CROCC: variants seen among roughly 807,000 people sequenced by gnomAD.
CROCC encodes the protein rootletin.
A neutral mutation model predicts 245.2 loss-of-function variants in CROCC; 180 were observed. The observed-to-expected ratio is 0.73, with a 90% CI of 0.65 to 0.83. The LOEUF is 0.83. CROCC is among the 40% of genes least tolerant of loss of function. The pLI is 0.00. For missense variants in CROCC, 2,688 were observed against 2,779.4 expected (o/e 0.97, Z 0.74); for synonymous variants, 1,205 against 1,241.6 (o/e 0.97, Z 0.62).
rs565501241 is a variant in CROCC at position 16,970,418 on chromosome 1, A to C, written c.5617A>C (p.Lys1873Gln). The change falls in exon 34 of 37, where the codon AAG becomes CAG. Residue 1873 changes from lysine to glutamine, a missense_variant. By Grantham distance (53) the Lys-to-Gln change is moderately conservative (BLOSUM62 1). This residue lies in a region of CROCC where 1,218 missense variants were observed against 1,286.3 expected (regional missense o/e 0.95). Transcript: ENST00000375541. ...GGAGCGCTCAGCCCTGCGGCTGGAG[A>C]AGGACCGTGTAGCCCTCAGGAGGAC... is the stretch of plus-strand genomic sequence containing the variant. ...EVERSALRLEKDRVALRRTLD... is the reference protein window; with the variant it reads ...EVERSALRLEQDRVALRRTLD... 6.2e-7 allele frequency: 1 copy of C among 1,603,814 alleles called. No homozygotes were observed. The highest frequency in any genetic ancestry group is 1.1e-5 in the South Asian group (1 of 89,618).
At chr1:16,949,569 G>A (rs2076123672) in intron 19 of CROCC, among the ~76,000 whole-genome samples, 1 of 152,182 alleles carries the variant, frequency 6.6e-6, no homozygotes, top group African/African-American at 2.4e-5. Context: ...GTTCATGTCA[G>A]TCATTAAAGG....
chr1:16,944,346 C>G, intron 14 of CROCC, 64 bp downstream of exon 14: 1 of 1,449,402 alleles, frequency 6.9e-7, no homozygotes. Flanking sequence ...CTGACAGTGC[C>G]CCCCTGGGGT....
At chr1:16,965,034 T>A (rs913166500) in intron 27 of CROCC, among the ~76,000 whole-genome samples, 1 of 151,682 alleles carries the variant, frequency 6.6e-6, no homozygotes, top group African/African-American at 2.4e-5. Context: ...CAGGCTTGCC[T>A]TGAACTCCTG....
rs759905143 is a variant in CROCC, at chr1:16,944,278, C to T, written c.1987C>T (p.Arg663Cys). 2.7e-5 allele frequency: 41 copies of T among 1,534,964 alleles called. No individual in the cohort carries two copies. The highest frequency in any genetic ancestry group is 2.1e-4 in the African/African-American group (15 of 73,056). The change falls in exon 14 of 37, where the codon CGC (arginine) becomes TGC (cysteine). Residue 663 changes from arginine (R) to cysteine (C), a missense_variant. Arg to Cys is a radical substitution (Grantham distance 180). Transcript: ENST00000375541. ...DGARVRRELE[R>C]SHRQLEQLEG... Reference sequence around the variant, plus strand: ...CGCGCGGGTGCGCCGGGAGCTTGAGCGCAGGTGAGCAGCATCTCGCCACCC... The same window carrying T: ...CGCGCGGGTGCGCCGGGAGCTTGAGTGCAGGTGAGCAGCATCTCGCCACCC...
At chr1:16,934,387 C>T (rs1478936508) in intron 8 of CROCC, among the ~76,000 whole-genome samples, 2 of 152,198 alleles carry the variant, frequency 1.3e-5, no homozygotes, top group African/African-American at 2.4e-5. Flanking sequence ...TTAGGCTTGA[C>T]CTCCCAGGCT....
chr1:16,939,733 A>G (rs1285624814), intron 12 of CROCC, among the ~76,000 whole-genome samples, 161 bp from the exon 13 acceptor site: 5 of 152,302 alleles, frequency 3.3e-5, no homozygotes, highest in African/African-American at 1.2e-4. Context: ...GGGGAGCGGA[A>G]GCCTGGCTCT....
chr1:16,920,581 A>C (rs2075382994), upstream of CROCC, among the ~76,000 whole-genome samples: 1 of 152,260 alleles, frequency 6.6e-6, no homozygotes, highest in Non-Finnish European at 1.5e-5. Flanking sequence ...CATAGTTGCA[A>C]GTGACAGAGC....
Position 16,938,445 on chromosome 1 carries a change from G to T in CROCC, c.1336G>T (p.Gly446Ter), listed in dbSNP as rs1321152383. The change falls in exon 11 of 37, where the codon GGA becomes TGA. Residue 446 changes from glycine (G) to a stop codon, truncating the protein, a stop_gained. Transcript: ENST00000375541. LOFTEE classifies it high-confidence loss of function. ...QEQAALETED[G>*]EGLQQTLRDL... ...GCAGGCGGCCCTGGAGACAGAGGAT[G>T]GAGAGGGGCTACAGCAGACCCTAAG... 6.3e-7 allele frequency: 1 copy of T among 1,580,898 alleles called. No individual in the cohort carries two copies. Among genetic ancestry groups the T allele is most frequent in the East Asian group, 2.3e-5 (1 of 43,650 alleles).
At chr1:16,968,524 A>G (rs1321280582) in intron 31 of CROCC, 106 bp downstream of exon 31, 1 of 1,131,904 alleles carries the variant, frequency 8.8e-7, no homozygotes, top group Non-Finnish European at 1.2e-6. Context: ...AGTATTACCC[A>G]CATCCCCATT....
chr1:16,944,290 G>A lies in CROCC; in HGVS notation c.1991+8G>A. 1 of 1,527,396 alleles carries A rather than the reference G, an allele frequency of 6.5e-7. No homozygotes were observed. The highest frequency in any genetic ancestry group is 8.8e-7 in the Non-Finnish European group (1 of 1,135,410). 94.6% of individuals were successfully genotyped at this position (1,527,396 alleles called of 1,614,324 possible). A position where few individuals can be genotyped will look rare whatever the true frequency, so the allele number is the denominator to read the frequency against. On this transcript the variant is annotated splice_region_variant and intron_variant, in intron 14 of 36. Transcript: ENST00000375541. ...CCGGGAGCTTGAGCGCAGGTGAGCA[G>A]CATCTCGCCACCCTGCCAGGACCCT...
In CROCC at chr1:16,936,706, G is replaced by C. The variant is rs1171320652; in HGVS notation, c.1026G>C (p.Leu342=). The C allele has an allele frequency of 6.2e-6, 10 of 1,605,886 alleles. No homozygotes were observed. The highest frequency in any genetic ancestry group is 1.7e-4 in the Middle Eastern group (1 of 5,780). The change falls in exon 9 of 37, where the codon CTG becomes CTC. Residue 342 remains leucine, a synonymous_variant. Coordinates refer to ENST00000375541, the MANE Select transcript of CROCC (RefSeq NM_014675.5). ...SRAVQEAGLG[L]STGLRLAESR... is the part of the protein sequence containing the mutation. ...CTGTCCAGGAGGCGGGCCTGGGACT[G>C]AGCACGGGCCTACGGCTGGCAGAGA...
In CROCC at chr1:16,946,951, T is replaced by G; in HGVS notation, c.2474T>G (p.Leu825Arg). Reference protein sequence around the residue: ...QEALEQQLPTLRHERSQLQEQ... With the variant: ...QEALEQQLPTRRHERSQLQEQ... ...GCATTGGAGCAGCAGCTCCCCACGCTGCGCCATGAGCGCAGCCAGCTGCAG... is the reference window on the plus strand; with the variant it reads ...GCATTGGAGCAGCAGCTCCCCACGCGGCGCCATGAGCGCAGCCAGCTGCAG... The change falls in exon 17 of 37, where the codon CTG becomes CGG. Residue 825 changes from leucine (L) to arginine (R), a missense_variant. Leu to Arg is a moderately radical substitution (Grantham distance 102, BLOSUM62 -2). Coordinates refer to ENST00000375541, the MANE Select transcript of CROCC (RefSeq NM_014675.5). The G allele has an allele frequency of 6.4e-7, 1 of 1,557,734 alleles. No homozygotes were observed. Among genetic ancestry groups the G allele is most frequent in the Non-Finnish European group, 8.7e-7 (1 of 1,151,406 alleles).
intron 17 of CROCC, among the ~76,000 whole-genome samples, chr1:16,947,468 CAAT>C (rs71006403): frequency 0.057 from 8,295 of 146,458 alleles, 24 homozygotes; most frequent in African/African-American, 0.067. Context: ...GACTCCGTCT[CAAT>C]AATAATAATA....
chr1:16,968,543 G>A, intron 31 of CROCC, 125 bp downstream of exon 31: 1 of 1,007,782 alleles, frequency 9.9e-7, no homozygotes, highest in Non-Finnish European at 1.4e-6. Context: ...TTTCACAGAT[G>A]GACAAATGGA....
Position 16,970,695 on chromosome 1 carries a change from C to T in CROCC, c.5712C>T (p.Gly1904=), listed in dbSNP as rs767784082. 6.2e-7 allele frequency: 1 copy of T among 1,603,154 alleles called. No homozygotes were observed. Among genetic ancestry groups the T allele is most frequent in the Admixed American group, 1.7e-5 (1 of 57,800 alleles). The change falls in exon 35 of 37, where the codon GGC becomes GGT. Residue 1904 remains glycine (G), a synonymous_variant. Transcript: ENST00000375541. The stretch of plus-strand genomic sequence containing the variant: ...CAGTGCGGCTGAGCGCAGAGAAGGG[C>T]CGCCTGGACCGCACCCTCACGGGGG... ...EDTVRLSAEK[G]RLDRTLTGAE...
In CROCC at chr1:16,955,445, A is replaced by G; in HGVS notation, c.3599A>G (p.Glu1200Gly). 6.3e-7 allele frequency: 1 copy of G among 1,596,134 alleles called. No individual in the cohort carries two copies. ...GREVQRQEAG[E>G]LRRSLGEGAK... The stretch of plus-strand genomic sequence containing the variant: ...GAGGTGCAGCGCCAGGAGGCAGGCG[A>G]GCTGCGACGCAGCCTGGGCGAGGGT... Residue 1200 changes from glutamate to glycine, a missense_variant, in exon 24 of 37, where the codon GAG (glutamate) becomes GGG (glycine). Around this residue, in one of 9 missense-constraint regions of CROCC, gnomAD observed 1,218 missense variants for 1,286.3 expected, o/e 0.95. Transcript: ENST00000375541.
At position 16,938,933 on chromosome 1, in the gene CROCC, G is replaced by C. The variant is rs776311799; in HGVS notation, c.1399G>C (p.Gly467Arg). 8.7e-6 allele frequency: 14 copies of C among 1,601,620 alleles called. No homozygotes were observed. Among genetic ancestry groups the C allele is most frequent in the Non-Finnish European group, 1.2e-5 (14 of 1,176,736 alleles). Reference sequence around the variant, plus strand: ...GGCCGTCTTGTCAGACTCTGAGAGCGGCGTCCAGCTGAGCGGCTCTGAGCG... The same window carrying C: ...GGCCGTCTTGTCAGACTCTGAGAGCCGCGTCCAGCTGAGCGGCTCTGAGCG... ...AQAVLSDSES[G>R]VQLSGSERTA... is the part of the protein sequence containing the mutation. The change falls in exon 12 of 37, where the codon GGC becomes CGC. Residue 467 changes from glycine (G) to arginine (R), a missense_variant. By Grantham distance (125) the Gly-to-Arg change is moderately radical. This residue lies in a region of CROCC where 972 missense variants were observed against 895.3 expected (regional missense o/e 1.09). Coordinates refer to ENST00000375541, the MANE Select transcript of CROCC (RefSeq NM_014675.5).
chr1:16,961,223 TTG>T, intron 27 of CROCC, 93 bp downstream of exon 27: 1 of 1,207,260 alleles, frequency 8.3e-7, no homozygotes, highest in Non-Finnish European at 1.0e-6. Context: ...GTTTTTGTTT[TTG>T]TTTTTTTTCA....
chr1:16,941,891 G>A (rs1267385434), intron 13 of CROCC, among the ~76,000 whole-genome samples: 1 of 152,236 alleles, frequency 6.6e-6, no homozygotes, highest in Non-Finnish European at 1.5e-5. Context: ...TTTTAGAGAT[G>A]GGGTCTTGCT....
Sources: allele counts gnomAD v4.1 joint callset (sites outside exome capture counted in the v4.1 genomes callset), GRCh38; gene constraint gnomAD v4.1.1; regional missense constraint gnomAD v4.1.1; transcripts MANE v1.5; gene names NCBI Gene and HGNC (gene_info 2026-07-23, HGNC 2026-07-21).